CORIN: variants seen among roughly 807,000 people sequenced by gnomAD.
The protein encoded by CORIN is corin, serine peptidase.
In CORIN, 117 loss-of-function variants were observed where a neutral mutation model predicts 125.3. The observed-to-expected ratio is 0.93, with a 90% confidence interval of 0.80 to 1.09. The LOEUF is 1.09. Ranked by LOEUF, CORIN falls within the 50% of genes least tolerant of loss-of-function variation. The pLI is 0.00. For synonymous variants in CORIN, 450 were observed against 466.4 expected (o/e 0.96, Z 0.45); for missense variants, 1,253 against 1,306.7 (o/e 0.96, Z 0.63).
intron 2 of CORIN, among the ~76,000 whole-genome samples, chr4:47,802,455 A>G (rs1415976086): frequency 6.6e-6 from 1 of 152,120 alleles, no homozygotes; most frequent in Non-Finnish European, 1.5e-5. Flanking sequence ...CTCTAAGTGA[A>G]CATCAGTGGT....
At chr4:47,798,687 T>C (rs1360817552) in intron 2 of CORIN, among the ~76,000 whole-genome samples, 1 of 152,220 alleles carries the variant, frequency 6.6e-6, no homozygotes. Flanking sequence ...TTAATTTTTT[T>C]CTCTTTTTTA....
chr4:47,673,298 C>T lies in CORIN; in HGVS notation c.1357+1095G>A, dbSNP rs937042632. Reference sequence around the variant, plus strand: ...GGCTGAGGCAGGAGAATCGCTTGAACCTGGGAGGCGGAGGTTGCAGTGAGC... The same window carrying T: ...GGCTGAGGCAGGAGAATCGCTTGAATCTGGGAGGCGGAGGTTGCAGTGAGC... On this transcript the variant is annotated intron_variant, in intron 10 of 21. Transcript: ENST00000273857. 2.0e-5 allele frequency among the ~76,000 whole-genome samples: 3 copies of T among 151,382 alleles called. No homozygotes were observed. The South Asian group carries it at 6.3e-4, about 32-fold the overall frequency.
chr4:47,786,963 T>C, intron 2 of CORIN, 38 bp from the exon 3 acceptor site: 1 of 1,388,314 alleles, frequency 7.2e-7, no homozygotes, highest in Non-Finnish European at 1.0e-6. Flanking sequence ...AACCTATCTT[T>C]GAAACATTAC....
At chr4:47,616,433 C>T (rs994641619) in intron 19 of CORIN, among the ~76,000 whole-genome samples, 2 of 152,106 alleles carry the variant, frequency 1.3e-5, no homozygotes, top group Admixed American at 1.3e-4. Context: ...GGAACTAAAG[C>T]ATTCAGTAGC....
intron 9 of CORIN, 37 bp from the exon 10 acceptor site, chr4:47,674,537 T>C (rs745665492): frequency 1.6e-6 from 2 of 1,261,134 alleles, no homozygotes; most frequent in Admixed American, 3.4e-5. Flanking sequence ...GCTTTCATCA[T>C]CTACAAATTC....
At chr4:47,768,017 A>G (rs770952429) in intron 3 of CORIN, among the ~76,000 whole-genome samples, 2 of 152,208 alleles carry the variant, frequency 1.3e-5, no homozygotes, top group Non-Finnish European at 2.9e-5. Context: ...GAATCACAAA[A>G]GAAGTGAAAA....
chr4:47,642,128 C>A, intron 15 of CORIN, 79 bp from the exon 16 acceptor site: 1 of 1,426,814 alleles, frequency 7.0e-7, no homozygotes, highest in Non-Finnish European at 9.7e-7. Flanking sequence ...CATGCCTCTG[C>A]TTCATTGGCA....
At chr4:47,781,603 A>G (rs988461099) in intron 3 of CORIN, among the ~76,000 whole-genome samples, 2 of 152,246 alleles carry the variant, frequency 1.3e-5, no homozygotes, top group Non-Finnish European at 2.9e-5. Context: ...CAATGGGTTT[A>G]TAAGGATATA....
chr4:47,705,172 C>G (rs1726491153), intron 5 of CORIN, among the ~76,000 whole-genome samples: 2 of 152,172 alleles, frequency 1.3e-5, no homozygotes, highest in South Asian at 4.1e-4. Flanking sequence ...TTTTTTCCCC[C>G]TGACTGGTTT....
intron 1 of CORIN, among the ~76,000 whole-genome samples, chr4:47,815,898 G>A (rs1231825367): frequency 1.3e-5 from 2 of 152,124 alleles, no homozygotes; most frequent in African/African-American, 4.8e-5. Flanking sequence ...TTAACATAAA[G>A]CCAAACCCAC....
At chr4:47,601,960 T>TC (rs1236069000) in intron 20 of CORIN, among the ~76,000 whole-genome samples, 2 of 152,208 alleles carry the variant, frequency 1.3e-5, no homozygotes, top group Non-Finnish European at 2.9e-5. Flanking sequence ...ACATTATTAT[T>TC]CTTGAAAGCC....
intron 5 of CORIN, among the ~76,000 whole-genome samples, chr4:47,715,769 G>C (rs532891459): frequency 6.6e-6 from 1 of 152,278 alleles, no homozygotes; most frequent in African/African-American, 2.4e-5. Context: ...ATCTCATGGA[G>C]GAAGGTGACC....
chr4:47,836,996 C>T (rs6823184), intron 1 of CORIN, among the ~76,000 whole-genome samples: 51,874 of 152,124 alleles, frequency 0.34, 9,263 homozygotes, highest in East Asian at 0.59. Flanking sequence ...GAGGGGCAGC[C>T]GCAAATTAGA....
intron 5 of CORIN, among the ~76,000 whole-genome samples, chr4:47,729,237 T>C (rs1412166340): frequency 2.6e-5 from 4 of 152,226 alleles, no homozygotes; most frequent in Non-Finnish European, 5.9e-5. Context: ...AGCTTCAAGT[T>C]ACAGCAAAAT....
chr4:47,752,360 G>A (rs1728942129), intron 4 of CORIN, among the ~76,000 whole-genome samples: 1 of 152,084 alleles, frequency 6.6e-6, no homozygotes, highest in South Asian at 2.1e-4. Context: ...TCCCTCCTGT[G>A]CACAGTCAGC....
chr4:47,654,615 C>T (rs1420878030), intron 12 of CORIN, among the ~76,000 whole-genome samples: 1 of 152,192 alleles, frequency 6.6e-6, no homozygotes, highest in East Asian at 1.9e-4. Flanking sequence ...ATGGAGGGAG[C>T]ATTTAGATGA....
chr4:47,660,845 G>C (rs1724213906), intron 12 of CORIN, among the ~76,000 whole-genome samples: 1 of 152,126 alleles, frequency 6.6e-6, no homozygotes, highest in African/African-American at 2.4e-5. Context: ...TAAAAGAAAG[G>C]AAACCAGTAT....
At chr4:47,766,203 A>G (rs1204336802) in intron 3 of CORIN, among the ~76,000 whole-genome samples, 1 of 152,220 alleles carries the variant, frequency 6.6e-6, no homozygotes, top group Non-Finnish European at 1.5e-5. Flanking sequence ...GTAGTGAAGG[A>G]AAATGGAATA....
At chr4:47,813,355 A>G (rs1368376643) in intron 1 of CORIN, among the ~76,000 whole-genome samples, 2 of 152,188 alleles carry the variant, frequency 1.3e-5, no homozygotes, top group African/African-American at 4.8e-5. Flanking sequence ...TATTTCTCCC[A>G]ATACCTAATT....
Sources: gnomAD v4.1 joint callset for allele counts (sites outside exome capture counted in the v4.1 genomes callset) on GRCh38, gnomAD v4.1.1 for gene constraint, MANE v1.5 for transcripts, NCBI Gene and HGNC (gene_info 2026-07-23, HGNC 2026-07-21) for gene names.